Variants in FSHR observed in about 807,000 individuals in gnomAD.
FSHR encodes follicle-stimulating hormone receptor.
In FSHR, 46 loss-of-function variants were observed where a neutral mutation model predicts 52.1. That is an observed-to-expected ratio of 0.88 (90% confidence interval 0.70 to 1.13). FSHR has a LOEUF of 1.13. Ranked by LOEUF, FSHR falls within the 50% of genes most tolerant of loss-of-function variation. FSHR has a pLI of 0.00. For missense variants in FSHR, 964 were observed against 834.6 expected (o/e 1.16, Z -1.91); for synonymous variants, 399 against 309.6 (o/e 1.29, Z -3.03).
In FSHR at chr2:49,139,153, T is replaced by G. The variant is rs1009246568; in HGVS notation, c.152+15113A>C. On this transcript the variant is annotated intron_variant, in intron 1 of 9. Coordinates refer to ENST00000406846, the MANE Select transcript of FSHR (RefSeq NM_000145.4). Reference sequence around the variant, plus strand: ...AAGCTCATCTGGCAATGTTTTCTAATTTGAAGAACAATGCAGGTTTTCACA... The same window carrying G: ...AAGCTCATCTGGCAATGTTTTCTAAGTTGAAGAACAATGCAGGTTTTCACA... 2.0e-5 allele frequency among the ~76,000 whole-genome samples: 3 copies of G among 152,216 alleles called. No individual in the cohort carries two copies. The South Asian group carries it at 6.2e-4, about 32-fold the overall frequency.
At chr2:49,122,376 C>T (rs943520142) in intron 1 of FSHR, among the ~76,000 whole-genome samples, 3 of 152,194 alleles carry the variant, frequency 2.0e-5, no homozygotes, top group African/African-American at 4.8e-5. Flanking sequence ...CACGGAGTGA[C>T]AACAAGCTTA....
intron 2 of FSHR, among the ~76,000 whole-genome samples, chr2:49,046,776 A>G (rs1415779116): frequency 3.3e-5 from 5 of 152,168 alleles, no homozygotes; most frequent in Non-Finnish European, 7.4e-5. Flanking sequence ...TGGACGGATT[A>G]TGCTTCTCTT....
intron 4 of FSHR, among the ~76,000 whole-genome samples, chr2:49,008,015 TA>T (rs1667129186): frequency 6.6e-6 from 1 of 152,020 alleles, no homozygotes. Flanking sequence ...TTCTTTTTTT[TA>T]AATTTTTTTT....
intron 1 of FSHR, among the ~76,000 whole-genome samples, chr2:49,083,449 T>C (rs1255819126): frequency 6.8e-6 from 1 of 147,786 alleles, no homozygotes; most frequent in Non-Finnish European, 1.5e-5. Flanking sequence ...ATGAGCAAAA[T>C]AACCAGCTAA....
rs572593224 is a variant in FSHR at position 49,073,715 on chromosome 2, A to G, written c.153-5425T>C. On this transcript the variant is annotated intron_variant, in intron 1 of 9. Coordinates refer to ENST00000406846, the MANE Select transcript of FSHR (RefSeq NM_000145.4). ...ACTTAAAATTTTGTGGAACCACAAAAGATACTGAATAACCAAAGCATTCTA... is the reference window on the plus strand; with the variant it reads ...ACTTAAAATTTTGTGGAACCACAAAGGATACTGAATAACCAAAGCATTCTA... 9.2e-5 allele frequency among the ~76,000 whole-genome samples: 14 copies of G among 152,280 alleles called. No individual in the cohort carries two copies. The South Asian group carries it at 1.5e-3, about 16-fold the overall frequency.
At chr2:49,022,410 T>A (rs937402023) in intron 2 of FSHR, among the ~76,000 whole-genome samples, 21 of 151,904 alleles carry the variant, frequency 1.4e-4, no homozygotes, top group African/African-American at 4.8e-4. Context: ...CAGACGAGGG[T>A]TGGGGGCAGG....
intron 6 of FSHR, among the ~76,000 whole-genome samples, chr2:48,985,113 CGATGAT>C (rs1328498883): frequency 8.3e-4 from 8 of 9,656 alleles, no homozygotes; most frequent in African/African-American, 3.1e-3. Context: ...CAGATGATGA[CGATGAT>C]GACGATGATG....
At chr2:48,977,425 T>C (rs1319857534) in intron 8 of FSHR, among the ~76,000 whole-genome samples, 1 of 152,136 alleles carries the variant, frequency 6.6e-6, no homozygotes, top group African/African-American at 2.4e-5. Flanking sequence ...TACCAGCATA[T>C]GGTGGGTGTT....
chr2:49,133,229 T>C (rs1432876431), intron 1 of FSHR, among the ~76,000 whole-genome samples: 1 of 152,202 alleles, frequency 6.6e-6, no homozygotes, highest in East Asian at 1.9e-4. Flanking sequence ...CAGGTTGGGG[T>C]CCCCTTCTTC....
intron 1 of FSHR, among the ~76,000 whole-genome samples, chr2:49,146,301 A>C (rs939162155): frequency 5.3e-5 from 8 of 152,072 alleles, no homozygotes; most frequent in Non-Finnish European, 1.0e-4. Flanking sequence ...TTTGAAACCG[A>C]AGCCACTTCA....
chr2:49,098,136 C>T (rs1670893850), intron 1 of FSHR, among the ~76,000 whole-genome samples: 1 of 152,062 alleles, frequency 6.6e-6, no homozygotes, highest in Admixed American at 6.6e-5. Flanking sequence ...ATGGGGCATA[C>T]TTACATTAAA....
intron 1 of FSHR, among the ~76,000 whole-genome samples, chr2:49,151,994 C>T (rs1673079824): frequency 6.6e-6 from 1 of 152,084 alleles, no homozygotes; most frequent in Admixed American, 6.5e-5. Flanking sequence ...CCTCAGTACA[C>T]CTTTCCAAGA....
intron 6 of FSHR, among the ~76,000 whole-genome samples, chr2:48,983,950 C>T (rs1173276096): frequency 6.6e-6 from 1 of 152,124 alleles, no homozygotes. Flanking sequence ...CCTTGCTCTG[C>T]TCCTGAGTGG....
intron 8 of FSHR, among the ~76,000 whole-genome samples, chr2:48,977,076 A>G (rs759118071): frequency 1.3e-5 from 2 of 152,104 alleles, no homozygotes; most frequent in Non-Finnish European, 2.9e-5. Flanking sequence ...TGTTCTGCAC[A>G]TGTATCCCAG....
intron 2 of FSHR, among the ~76,000 whole-genome samples, chr2:49,021,857 C>CTATATA (rs1218938323): frequency 5.3e-5 from 2 of 37,696 alleles, no homozygotes; most frequent in East Asian, 2.2e-3. Flanking sequence ...CTCTCTCTCT[C>CTATATA]TCTCTCTATA....
At chr2:49,117,662 A>G (rs1477064353) in intron 1 of FSHR, among the ~76,000 whole-genome samples, 3 of 152,206 alleles carry the variant, frequency 2.0e-5, no homozygotes, top group African/African-American at 7.2e-5. Context: ...GTAACTGTGT[A>G]CCAATAAGTT....
chr2:49,022,444 A>G (rs1301619076), intron 2 of FSHR, among the ~76,000 whole-genome samples: 4 of 152,096 alleles, frequency 2.6e-5, no homozygotes, highest in Admixed American at 2.6e-4. Flanking sequence ...GTCATGGAAA[A>G]GTCCTTCAAT....
At position 49,123,442 on chromosome 2, in the gene FSHR, G is replaced by A. The variant is rs140898765; in HGVS notation, c.152+30824C>T. ...GTTCAGGTTGCAGTGAGCCATGATC[G>A]CATCACTGCACTCCAGCCTGGATGA... On this transcript the variant is annotated intron_variant, in intron 1 of 9. Coordinates refer to ENST00000406846, the MANE Select transcript of FSHR (RefSeq NM_000145.4). 4.6e-3 allele frequency among the ~76,000 whole-genome samples: 698 copies of A among 152,114 alleles called. 4 individuals carry two copies. The highest frequency in any genetic ancestry group is 0.014 in the African/African-American group (595 of 41,486).
chr2:49,020,855 G>A (rs1882556), intron 2 of FSHR, among the ~76,000 whole-genome samples: 7,439 of 152,146 alleles, frequency 0.049, 264 homozygotes, highest in Non-Finnish European at 0.068. Context: ...GCCAAACACC[G>A]CATATTCTCA....
Sources: gnomAD v4.1 joint callset for allele counts (sites outside exome capture counted in the v4.1 genomes callset) on GRCh38, gnomAD v4.1.1 for gene constraint, MANE v1.5 for transcripts, NCBI Gene and HGNC (gene_info 2026-07-23, HGNC 2026-07-21) for gene names.